The following PTPRD variants were observed in gnomAD, a reference collection of about 807,000 sequenced individuals.
PTPRD encodes the protein protein tyrosine phosphatase receptor type D.
PTPRD carries 34 observed loss-of-function variants against 214.5 expected under a neutral mutation model. The observed-to-expected ratio is 0.16, with a 90% confidence interval of 0.12 to 0.21. PTPRD has a LOEUF of 0.21. Ranked by LOEUF, PTPRD falls within the 10% of genes least tolerant of loss-of-function variation. The pLI is 1.00. For missense variants in PTPRD, 2,545 were observed against 2,398.7 expected (o/e 1.06, Z -1.27); for synonymous variants, 1,128 against 845.7 (o/e 1.33, Z -5.79).
chr9:8,985,757 A>G lies in PTPRD; in HGVS notation c.-104+32940T>C, dbSNP rs367601952. On this transcript the variant is annotated intron_variant, in intron 11 of 45. Coordinates refer to ENST00000381196, the MANE Select transcript of PTPRD (RefSeq NM_002839.4). ...TATATATGCTTTGATTAAATTTCCT[A>G]TTTTCCACAATATATTGTGCACCTA... 3.9e-5 allele frequency among the ~76,000 whole-genome samples: 6 copies of G among 151,904 alleles called. No individual in the cohort carries two copies. In the South Asian group the frequency reaches 1.2e-3, roughly 32 times the overall value.
chr9:9,164,306 A>G (rs547857792), intron 10 of PTPRD, among the ~76,000 whole-genome samples: 1 of 152,098 alleles, frequency 6.6e-6, no homozygotes, highest in South Asian at 2.1e-4. Context: ...GCCATCTTTA[A>G]CTTTCTGTCT....
intron 7 of PTPRD, among the ~76,000 whole-genome samples, chr9:9,608,276 G>A (rs1339166236): frequency 6.6e-6 from 1 of 152,090 alleles, no homozygotes; most frequent in African/African-American, 2.4e-5. Context: ...CATTACATTA[G>A]TATCATTTTT....
At chr9:9,767,420 G>C (rs2098715878) in intron 5 of PTPRD, among the ~76,000 whole-genome samples, 1 of 151,916 alleles carries the variant, frequency 6.6e-6, no homozygotes, top group Non-Finnish European at 1.5e-5. Flanking sequence ...ATGAACTTGA[G>C]TACTTTAAAC....
chr9:10,072,341 G>A (rs188565717), intron 3 of PTPRD, among the ~76,000 whole-genome samples: 1 of 152,080 alleles, frequency 6.6e-6, no homozygotes, highest in African/African-American at 2.4e-5. Context: ...TTGTCAGTGA[G>A]TATATAGTGT....
chr9:8,623,510 G>A (rs1252745589), intron 14 of PTPRD, among the ~76,000 whole-genome samples: 1 of 151,832 alleles, frequency 6.6e-6, no homozygotes, highest in African/African-American at 2.4e-5. Flanking sequence ...AAAAAGTTCT[G>A]CTTCACAAAT....
intron 9 of PTPRD, among the ~76,000 whole-genome samples, chr9:9,185,873 C>CT (rs5896308): frequency 0.53 from 77,508 of 146,714 alleles, 20,168 homozygotes; most frequent in South Asian, 0.69. Context: ...AATTTTTTTT[C>CT]TTTTTTTTTT....
intron 34 of PTPRD, among the ~76,000 whole-genome samples, chr9:8,440,523 C>G (rs994217758): frequency 7.9e-5 from 12 of 152,146 alleles, no homozygotes; most frequent in African/African-American, 2.9e-4. Context: ...CCATGTTGGT[C>G]AGGCTGGTCT....
At chr9:8,543,858 C>T (rs1026078389) in intron 14 of PTPRD, among the ~76,000 whole-genome samples, 4 of 151,980 alleles carry the variant, frequency 2.6e-5, no homozygotes, top group Non-Finnish European at 2.9e-5. Flanking sequence ...ACTACAGCTG[C>T]GTGCCACAAC....
chr9:8,371,444 C>G (rs567580241), intron 39 of PTPRD, among the ~76,000 whole-genome samples: 1 of 151,974 alleles, frequency 6.6e-6, no homozygotes, highest in African/African-American at 2.4e-5. Context: ...GTATGATCTG[C>G]ACACATATAG....
intron 9 of PTPRD, among the ~76,000 whole-genome samples, chr9:9,372,945 A>G (rs1195155401): frequency 6.6e-6 from 1 of 152,146 alleles, no homozygotes; most frequent in Non-Finnish European, 1.5e-5. Context: ...CCATTTTGAG[A>G]AACCTTTTAA....
intron 5 of PTPRD, among the ~76,000 whole-genome samples, chr9:9,822,836 G>A (rs1327010448): frequency 5.3e-5 from 8 of 152,036 alleles, no homozygotes; most frequent in Non-Finnish European, 1.2e-4. Context: ...TGAGGATGTG[G>A]AGAAAAGGGA....
At chr9:9,510,352 G>GT (rs199774755) in intron 8 of PTPRD, among the ~76,000 whole-genome samples, 3 of 150,724 alleles carry the variant, frequency 2.0e-5, no homozygotes, top group African/African-American at 7.3e-5. Flanking sequence ...TATTCTTTTA[G>GT]TTTTTATCAG....
At chr9:9,498,383 C>T (rs2096276974) in intron 8 of PTPRD, among the ~76,000 whole-genome samples, 1 of 152,084 alleles carries the variant, frequency 6.6e-6, no homozygotes, top group Non-Finnish European at 1.5e-5. Flanking sequence ...AAAGTAAATC[C>T]ATGCTGTAAT....
intron 8 of PTPRD, among the ~76,000 whole-genome samples, chr9:9,420,008 T>C (rs1189768016): frequency 6.6e-6 from 1 of 151,646 alleles, no homozygotes; most frequent in African/African-American, 2.4e-5. Flanking sequence ...GGAAAGGTAG[T>C]TACTCCCAGG....
At position 9,577,045 on chromosome 9, in the gene PTPRD, A is replaced by G. The variant is rs371289933; in HGVS notation, c.-286-2264T>C. ...TTACTGACGTTGTTACACTGATCAG[A>G]TATGTTGGGTATGTAGATTGTAAGT... On this transcript the variant is annotated intron_variant, in intron 7 of 45. Transcript: ENST00000381196. 1.1e-3 allele frequency among the ~76,000 whole-genome samples: 167 copies of G among 152,254 alleles called. 4 individuals carry two copies. In the South Asian group the frequency reaches 0.034, roughly 31 times the overall value.
chr9:9,393,132 T>C (rs2066477407), intron 9 of PTPRD, among the ~76,000 whole-genome samples: 4 of 152,184 alleles, frequency 2.6e-5, no homozygotes, highest in Non-Finnish European at 5.9e-5. Flanking sequence ...ACGAACCTAA[T>C]CTTTCCTGGC....
chr9:9,813,836 G>C (rs957783709), intron 5 of PTPRD, among the ~76,000 whole-genome samples: 3 of 151,730 alleles, frequency 2.0e-5, no homozygotes, highest in African/African-American at 7.3e-5. Flanking sequence ...CATTTCTGAT[G>C]CACATAGATG....
At chr9:10,465,887 AAACT>A (rs1387801573) in intron 2 of PTPRD, among the ~76,000 whole-genome samples, 1 of 152,206 alleles carries the variant, frequency 6.6e-6, no homozygotes, top group Non-Finnish European at 1.5e-5. Context: ...TAAATACTAT[AAACT>A]AACTGCTACA....
At chr9:9,643,739 G>T (rs2096052744) in intron 7 of PTPRD, among the ~76,000 whole-genome samples, 1 of 152,146 alleles carries the variant, frequency 6.6e-6, no homozygotes, top group Non-Finnish European at 1.5e-5. Context: ...CAAATCAGAA[G>T]CTATATGAAT....
Sources: gnomAD v4.1 joint callset for allele counts (sites outside exome capture counted in the v4.1 genomes callset) on GRCh38, gnomAD v4.1.1 for gene constraint, MANE v1.5 for transcripts, NCBI Gene and HGNC (gene_info 2026-07-23, HGNC 2026-07-21) for gene names.